EVPL: variants seen among roughly 807,000 people sequenced by gnomAD.
The protein encoded by EVPL is envoplakin.
In EVPL, 94 loss-of-function variants were observed where a neutral mutation model predicts 129.7. The ratio of observed to expected loss-of-function variants is 0.72; its 90% CI spans 0.61 to 0.86. The LOEUF is 0.86. Ranked by LOEUF, EVPL falls within the 40% of genes least tolerant of loss-of-function variation. The pLI is 0.00. For missense variants in EVPL, 2,625 were observed against 2,721.1 expected (o/e 0.96, Z 0.79); for synonymous variants, 1,172 against 1,191.1 (o/e 0.98, Z 0.33).
rs764534778 is a variant in EVPL, at chr17:76,012,058, C to T, written c.2405G>A (p.Arg802Gln). The T allele has an allele frequency of 1.1e-5, 18 of 1,611,800 alleles. No individual in the cohort carries two copies. The highest frequency in any genetic ancestry group is 1.1e-4 in the South Asian group (10 of 90,670). Residue 802 changes from arginine to glutamine, a missense_variant, in exon 19 of 22, where the codon CGG becomes CAG. Physicochemically the swap from Arg to Gln is conservative, Grantham distance 43. Transcript: ENST00000301607. ...RLTQEIQSRERDRATASHLSQ... is the reference protein window; with the variant it reads ...RLTQEIQSREQDRATASHLSQ... ...GAGGTGGGATGCTGTGGCCCTGTCCCGCTCTCGGCTCTGGATCTCCTGCGT... is the reference window on the plus strand; with the variant it reads ...GAGGTGGGATGCTGTGGCCCTGTCCTGCTCTCGGCTCTGGATCTCCTGCGT...
chr17:76,022,420 A>G lies in EVPL; in HGVS notation c.599T>C (p.Val200Ala), dbSNP rs769204063. ...DAYGQQLRSL[V>A]GPDAATIRSQ... ...TCCTCCAGGCTCACCTACCGGCCCC[A>G]CGAGGCTCCGCAGCTGCTGCCCATA... The change falls in exon 5 of 22, where the codon GTG becomes GCG. Residue 200 changes from valine (V) to alanine (A), a missense_variant. Coordinates refer to ENST00000301607, the MANE Select transcript of EVPL (RefSeq NM_001988.4). This position sits in a 1 kb window ranked among gnomAD's most constrained non-coding sequence, Gnocchi z 5.6. The G allele has an allele frequency of 3.2e-5, 51 of 1,613,478 alleles. 1 individual carries two copies. Among genetic ancestry groups the G allele is most frequent in the Non-Finnish European group, 4.0e-5 (47 of 1,179,916 alleles).
intron 17 of EVPL, 81 bp from the exon 18 acceptor site, chr17:76,014,657 G>A: frequency 6.5e-7 from 1 of 1,548,394 alleles, no homozygotes; most frequent in Admixed American, 2.2e-5. Context: ...GCTGATGGGA[G>A]CCTCCTCCTG....
chr17:76,018,976 G>C lies in EVPL; in HGVS notation c.1222C>G (p.Arg408Gly), dbSNP rs752498342. The C allele has an allele frequency of 6.4e-7, 1 of 1,566,088 alleles. No homozygotes were observed. The highest frequency in any genetic ancestry group is 8.6e-7 in the Non-Finnish European group (1 of 1,160,526). The change falls in exon 11 of 22, where the codon CGA becomes GGA. Residue 408 changes from arginine (R) to glycine (G), a missense_variant. Coordinates refer to ENST00000301607, the MANE Select transcript of EVPL (RefSeq NM_001988.4). ...AGGGGCTGCTGAGGGGGGTTTCTTC[G>C]CTGTGGCAGAGGGGCCACATCCCGG... ...RSRDVAPLPQ[R>G]RNPPQQPLHV...
chr17:76,009,632 C>A lies in EVPL; in HGVS notation c.3573G>T (p.Gln1191His), dbSNP rs1598231562. ...SVVEKQRPKV[Q>H]LQERVHEIFQ... ...AGATCTCGTGGACGCGCTCCTGGAG[C>A]TGCACTTTGGGCCTCTGCTTCTCCA... Residue 1191 changes from glutamine to histidine, a missense_variant, in exon 22 of 22, where the codon CAG (glutamine) becomes CAT (histidine). Gln to His is a conservative substitution (Grantham distance 24). Coordinates refer to ENST00000301607, the MANE Select transcript of EVPL (RefSeq NM_001988.4). The surrounding 1 kb of genome is among the most constrained non-coding windows in gnomAD (Gnocchi z 5.9). The A allele has an allele frequency of 1.2e-6, 2 of 1,613,904 alleles. No homozygotes were observed. Among genetic ancestry groups the A allele is most frequent in the Non-Finnish European group, 1.7e-6 (2 of 1,180,022 alleles).
Position 76,007,895 on chromosome 17 carries a change from G to A in EVPL, c.5310C>T (p.His1770=), listed in dbSNP as rs2066334022. The part of the protein sequence containing the change: ...KEEYHLYKDG[H]LPISEFALLV... ...GCAGCGCAAACTCGGAGATGGGCAG[G>A]TGGCCGTCCTTGTACAGATGGTACT... is the stretch of plus-strand genomic sequence containing the variant. The change falls in exon 22 of 22, where the codon CAC becomes CAT. Residue 1770 remains histidine, a synonymous_variant. Coordinates refer to ENST00000301607, the MANE Select transcript of EVPL (RefSeq NM_001988.4). This position sits in a 1 kb window ranked among gnomAD's most constrained non-coding sequence, Gnocchi z 8.8. The A allele has an allele frequency of 6.2e-7, 1 of 1,613,944 alleles. No individual in the cohort carries two copies. Among genetic ancestry groups the A allele is most frequent in the Admixed American group, 1.7e-5 (1 of 59,998 alleles).
At position 76,014,504 on chromosome 17, in the gene EVPL, C is replaced by A. The variant is rs768690074; in HGVS notation, c.2295G>T (p.Trp765Cys). The A allele has an allele frequency of 6.2e-7, 1 of 1,611,852 alleles. No homozygotes were observed. Among genetic ancestry groups the A allele is most frequent in the East Asian group, 2.2e-5 (1 of 44,792 alleles). The change falls in exon 18 of 22, where the codon TGG becomes TGT. Residue 765 changes from tryptophan to cysteine, a missense_variant. Trp to Cys is a radical substitution (Grantham distance 215). Around this residue, in one of 4 missense-constraint regions of EVPL, gnomAD observed 1,024 missense variants for 997.5 expected, o/e 1.03. Transcript: ENST00000301607. ...FKNCKDNLSSWLEHLPRSQVR... is the reference protein window; with the variant it reads ...FKNCKDNLSSCLEHLPRSQVR... Reference sequence around the variant, plus strand: ...CCTGGCTGCGGGGCAGGTGCTCCAGCCAGGAGCTCAGGTTATCCTTGCAGT... The same window carrying A: ...CCTGGCTGCGGGGCAGGTGCTCCAGACAGGAGCTCAGGTTATCCTTGCAGT...
chr17:76,021,822 ATGGCCCTGGCCGCCCCCACC>A lies in EVPL; in HGVS notation c.807+25_808-42del, dbSNP rs963864359. 4.5e-6 allele frequency: 7 copies of A among 1,569,278 alleles called. No homozygotes were observed. In the African/African-American group the frequency reaches 9.5e-5, roughly 21 times the overall value. ...GTGGGGAGCGGCGGTGAGGACCCGG[ATGGCCCTGGCCGCCCCCACC>A]TGGCCCCGACCTCTGCCAGCCGACC... On this transcript the variant is annotated intron_variant, in intron 7 of 21. Coordinates refer to ENST00000301607, the MANE Select transcript of EVPL (RefSeq NM_001988.4).
chr17:76,014,947 A>C lies in EVPL; in HGVS notation c.2191T>G (p.Tyr731Asp). 6.3e-7 allele frequency: 1 copy of C among 1,592,834 alleles called. No individual in the cohort carries two copies. The highest frequency in any genetic ancestry group is 8.5e-7 in the Non-Finnish European group (1 of 1,171,114). ...TCCAGCTGGTCCCCTACGGCGTGGT[A>C]GCGGTCGGTGAGGGCTCGCACCTGG... ...QRQVRALTDR[Y>D]HAVGDQLDLR... The change falls in exon 17 of 22, where the codon TAC becomes GAC. Residue 731 changes from tyrosine to aspartate, a missense_variant. Physicochemically the swap from Tyr to Asp is radical, Grantham distance 160. Around this residue, in one of 4 missense-constraint regions of EVPL, gnomAD observed 1,024 missense variants for 997.5 expected, o/e 1.03. Transcript: ENST00000301607.
At position 76,008,858 on chromosome 17, in the gene EVPL, G is replaced by A. The variant is rs760182561; in HGVS notation, c.4347C>T (p.Leu1449=). The change falls in exon 22 of 22, where the codon CTC becomes CTT. Residue 1449 remains leucine (L), a synonymous_variant. Transcript: ENST00000301607. This position sits in a 1 kb window ranked among gnomAD's most constrained non-coding sequence, Gnocchi z 7.4. ...CCTGCACCGTGGGAGGCCGCTTCTC[G>A]AGCTCCTGGATCCTCAAGGTCAGCT... The part of the protein sequence containing the change: ...LRQLTLRIQE[L]EKRPPTVQEK... 5.6e-6 allele frequency: 9 copies of A among 1,613,790 alleles called. No homozygotes were observed. In the East Asian group the frequency reaches 8.9e-5, roughly 16 times the overall value.
At position 76,007,464 on chromosome 17, in the gene EVPL, C is replaced by G; in HGVS notation, c.5741G>C (p.Arg1914Thr). The G allele has an allele frequency of 6.2e-7, 1 of 1,610,116 alleles. No homozygotes were observed. The highest frequency in any genetic ancestry group is 8.5e-7 in the Non-Finnish European group (1 of 1,178,224). ...TGIEDPVTKKRLSVGEAVQKG... is the reference protein window; with the variant it reads ...TGIEDPVTKKTLSVGEAVQKG... ...CTGGACGGCCTCGCCCACCGAGAGC[C>G]TCTTCTTGGTGACGGGGTCCTCGAT... Residue 1914 changes from arginine to threonine, a missense_variant, in exon 22 of 22, where the codon AGG becomes ACG. This residue lies in a region of EVPL where 1,453 missense variants were observed against 1,511.8 expected (regional missense o/e 0.96). Transcript: ENST00000301607. The surrounding 1 kb of genome is among the most constrained non-coding windows in gnomAD (Gnocchi z 8.8).
Position 76,012,934 on chromosome 17 carries a change from T to C in EVPL, c.2374-845A>G, listed in dbSNP as rs190675575. Among the ~76,000 whole-genome samples, 1,189 of 151,754 alleles carry C rather than the reference T, an allele frequency of 7.8e-3. 23 individuals carry two copies. The highest frequency in any genetic ancestry group is 0.062 in the East Asian group (317 of 5,104). ...TAATTTTTTGTATTTTTAGTAGAGA[T>C]GGGGTTTCACCGTGTTAGCCAGGAT... On this transcript the variant is annotated intron_variant, in intron 18 of 21. Coordinates refer to ENST00000301607, the MANE Select transcript of EVPL (RefSeq NM_001988.4).
In EVPL at chr17:76,008,713, C is replaced by G; in HGVS notation, c.4492G>C (p.Glu1498Gln). The change falls in exon 22 of 22, where the codon GAG (glutamate) becomes CAG (glutamine). Residue 1498 changes from glutamate to glutamine, a missense_variant. Physicochemically the swap from Glu to Gln is conservative, Grantham distance 29. Around this residue, in one of 4 missense-constraint regions of EVPL, gnomAD observed 1,453 missense variants for 1,511.8 expected, o/e 0.96. Transcript: ENST00000301607. The surrounding 1 kb of genome is among the most constrained non-coding windows in gnomAD (Gnocchi z 7.4). ...EKTQVTELNR[E>Q]CKNLQVQIDV... is the part of the protein sequence containing the mutation. ...ATCTGGACCTGCAGGTTCTTGCACTCCCGATTCAGCTCGGTTACCTGGGTC... is the reference window on the plus strand; with the variant it reads ...ATCTGGACCTGCAGGTTCTTGCACTGCCGATTCAGCTCGGTTACCTGGGTC... The G allele has an allele frequency of 6.2e-7, 1 of 1,613,808 alleles. No homozygotes were observed. The highest frequency in any genetic ancestry group is 1.6e-4 in the Middle Eastern group (1 of 6,062).
chr17:76,020,749 G>T (rs2066451898), intron 9 of EVPL, among the ~76,000 whole-genome samples: 1 of 151,566 alleles, frequency 6.6e-6, no homozygotes, highest in Admixed American at 6.6e-5. Flanking sequence ...TAGAGACAGG[G>T]TCTTGCTATG....
In EVPL at chr17:76,009,326, G is replaced by C; in HGVS notation, c.3879C>G (p.Arg1293=). ...TCCACTCGTCGCGCTCACCCTGCAG[G>C]CGGATGAGCTGCTCCTGGGAGCGCC... ...SHGRSQEQLI[R]LQGERDEWRR... Residue 1293 remains arginine (R), a synonymous_variant, in exon 22 of 22, where the codon CGC becomes CGG. Coordinates refer to ENST00000301607, the MANE Select transcript of EVPL (RefSeq NM_001988.4). The surrounding 1 kb of genome is among the most constrained non-coding windows in gnomAD (Gnocchi z 5.9). 6.2e-7 allele frequency: 1 copy of C among 1,611,554 alleles called. No homozygotes were observed. The highest frequency in any genetic ancestry group is 8.5e-7 in the Non-Finnish European group (1 of 1,179,852).
chr17:76,026,782 G>A (rs1157139550), intron 1 of EVPL, among the ~76,000 whole-genome samples: 1 of 152,164 alleles, frequency 6.6e-6, no homozygotes, highest in East Asian at 1.9e-4. Flanking sequence ...TCTGGCAGAG[G>A]AGGGCCTCCG....
At position 76,024,886 on chromosome 17, in the gene EVPL, CA is replaced by C. The variant is rs1243519224; in HGVS notation, c.99-767del. 1.3e-5 allele frequency among the ~76,000 whole-genome samples: 2 copies of C among 152,180 alleles called. No homozygotes were observed. Among genetic ancestry groups the C allele is most frequent in the African/African-American group, 4.8e-5 (2 of 41,436 alleles). On this transcript the variant is annotated intron_variant, in intron 1 of 21. Transcript: ENST00000301607. This position sits in a 1 kb window ranked among gnomAD's most constrained non-coding sequence, Gnocchi z 4.5. ...GCATGCACTCACTGTGCGGAGGTCA[CA>C]AGGTCAAGCAGACCTAAAAGAGGGC... is the stretch of plus-strand genomic sequence containing the variant.
At chr17:76,016,001 G>A (rs972400487) in intron 14 of EVPL, among the ~76,000 whole-genome samples, 7 of 152,036 alleles carry the variant, frequency 4.6e-5, no homozygotes, top group South Asian at 4.2e-4. Flanking sequence ...AAAATTAGCC[G>A]GCCGTAGCAG....
At chr17:76,015,135 G>T in intron 16 of EVPL, 26 bp from the exon 17 acceptor site, 1 of 1,566,976 alleles carries the variant, frequency 6.4e-7, no homozygotes, top group South Asian at 1.1e-5. Context: ...ACGCAGCCGT[G>T]CACCCTCGTG....
At position 76,018,976 on chromosome 17, in the gene EVPL, G is replaced by A. The variant is rs752498342; in HGVS notation, c.1222C>T (p.Arg408Ter). The A allele has an allele frequency of 7.0e-6, 11 of 1,565,970 alleles. No individual in the cohort carries two copies. Among genetic ancestry groups the A allele is most frequent in the East Asian group, 2.4e-5 (1 of 42,246 alleles). The change falls in exon 11 of 22, where the codon CGA (arginine) becomes TGA (stop). Residue 408 changes from arginine to a stop codon, truncating the protein, a stop_gained. Coordinates refer to ENST00000301607, the MANE Select transcript of EVPL (RefSeq NM_001988.4). LOFTEE classifies it high-confidence loss of function. ...AGGGGCTGCTGAGGGGGGTTTCTTCGCTGTGGCAGAGGGGCCACATCCCGG... is the reference window on the plus strand; with the variant it reads ...AGGGGCTGCTGAGGGGGGTTTCTTCACTGTGGCAGAGGGGCCACATCCCGG... ...RSRDVAPLPQ[R>*]RNPPQQPLHV...
Sources: gnomAD v4.1 joint callset for allele counts (sites outside exome capture counted in the v4.1 genomes callset) on GRCh38, gnomAD v4.1.1 for gene constraint, gnomAD v4.1.1 regional missense constraint, Gnocchi (gnomAD v3.1) non-coding constraint, MANE v1.5 for transcripts, NCBI Gene and HGNC (gene_info 2026-07-23, HGNC 2026-07-21) for gene names.